LYG2: variants seen among roughly 807,000 people sequenced by gnomAD.
The protein encoded by LYG2 is lysozyme g2, also known as lysozyme g-like protein 2.
A neutral mutation model predicts 22.4 loss-of-function variants in LYG2; 25 were observed. That is an observed-to-expected ratio of 1.12 (90% CI 0.81 to 1.56). The LOEUF is 1.56. Among genes scored for constraint, LYG2 ranks in the 40% most tolerant of loss-of-function variants. The pLI is 0.00. For missense variants in LYG2, 266 were observed against 269.5 expected (o/e 0.99, Z 0.09); for synonymous variants, 88 against 97.0 (o/e 0.91, Z 0.55).
At position 99,250,609 on chromosome 2, in the gene LYG2, T is replaced by C. The variant is rs376375251; in HGVS notation, c.43+3609A>G. On this transcript the variant is annotated intron_variant, in intron 3 of 6. Transcript: ENST00000333017. Reference sequence around the variant, plus strand: ...CAGGATGGTCTCGATCTGCTGACCTTGTGATCCGCCCACCTTGGCCTCCCA... The same window carrying C: ...CAGGATGGTCTCGATCTGCTGACCTCGTGATCCGCCCACCTTGGCCTCCCA... Among the ~76,000 whole-genome samples the C allele has an allele frequency of 4.8e-3, 738 of 152,180 alleles. 7 individuals carry two copies. The highest frequency in any genetic ancestry group is 0.014 in the South Asian group (69 of 4,822).
chr2:99,248,397 C>T (rs1391756075), intron 3 of LYG2, among the ~76,000 whole-genome samples: 9 of 151,950 alleles, frequency 5.9e-5, no homozygotes, highest in Non-Finnish European at 1.3e-4. Flanking sequence ...GAATACTATG[C>T]AGCCATAAAA....
At chr2:99,244,191 T>C (rs745475892) in intron 5 of LYG2, 54 bp from the exon 6 acceptor site, 87 of 1,566,286 alleles carry the variant, frequency 5.6e-5, no homozygotes, top group Non-Finnish European at 7.1e-5. Flanking sequence ...ACATTTTTTC[T>C]GCCATTCCTA....
intron 4 of LYG2, among the ~76,000 whole-genome samples, chr2:99,245,814 C>T (rs948733655): frequency 6.6e-6 from 1 of 152,076 alleles, no homozygotes; most frequent in Non-Finnish European, 1.5e-5. Context: ...ACAGGTGTCG[C>T]TTCTGCTCTG....
upstream of LYG2, among the ~76,000 whole-genome samples, chr2:99,256,692 A>G (rs915889697): frequency 1.3e-5 from 2 of 152,330 alleles, no homozygotes; most frequent in Non-Finnish European, 2.9e-5. Context: ...TTGAATGTGA[A>G]GAATACTTAT....
intron 4 of LYG2, among the ~76,000 whole-genome samples, chr2:99,245,914 C>A (rs1402094527): frequency 6.6e-6 from 1 of 152,122 alleles, no homozygotes; most frequent in Non-Finnish European, 1.5e-5. Context: ...TCAAGACTAG[C>A]CTGGCCAACA....
upstream of LYG2, among the ~76,000 whole-genome samples, chr2:99,258,192 A>G (rs188403245): frequency 6.6e-6 from 1 of 152,350 alleles, no homozygotes; most frequent in Non-Finnish European, 1.5e-5. Flanking sequence ...AAGGAGGATG[A>G]CCATAGCCAA....
upstream of LYG2, among the ~76,000 whole-genome samples, chr2:99,259,035 C>A (rs887633445): frequency 2.6e-5 from 4 of 152,052 alleles, no homozygotes; most frequent in African/African-American, 9.7e-5. Flanking sequence ...AAGGCTAAAA[C>A]CAAAGACTAG....
chr2:99,242,627 G>T (rs112498361), intron 6 of LYG2, 145 bp from the exon 7 acceptor site: 1 of 520,466 alleles, frequency 1.9e-6, no homozygotes, highest in African/African-American at 1.9e-5. Flanking sequence ...CTTTCTGAAA[G>T]GACGTGCTAT....
intron 3 of LYG2, among the ~76,000 whole-genome samples, chr2:99,247,400 A>T (rs1438944179): frequency 6.6e-6 from 1 of 151,784 alleles, no homozygotes; most frequent in Non-Finnish European, 1.5e-5. Context: ...CTATGTCAGA[A>T]TTAAAACTGA....
At chr2:99,245,144 G>T in intron 5 of LYG2, 118 bp downstream of exon 5, 5 of 1,123,422 alleles carry the variant, frequency 4.5e-6, no homozygotes, top group Admixed American at 3.1e-5. Context: ...TGGAGTACCT[G>T]TAGCCAGATG....
Position 99,246,819 on chromosome 2 carries a change from G to T in LYG2, c.45C>A (p.Gly15=). Reference sequence around the variant, plus strand: ...TGAAGGGGTATGAGCCCCTGGAAGTGCCTAGGAGGCAGAAGTGTAACTCAC... The same window carrying T: ...TGAAGGGGTATGAGCCCCTGGAAGTTCCTAGGAGGCAGAAGTGTAACTCAC... The part of the protein sequence containing the change: ...VVFWGLIALI[G]TSRGSYPFSH... Residue 15 remains glycine, a splice_region_variant and synonymous_variant, in exon 4 of 7, where the codon GGC becomes GGA. Transcript: ENST00000333017. 1 of 1,609,664 alleles carries T rather than the reference G, an allele frequency of 6.2e-7. No individual in the cohort carries two copies. The highest frequency in any genetic ancestry group is 1.1e-5 in the South Asian group (1 of 89,934).
At chr2:99,248,728 TATA>T (rs994179227) in intron 3 of LYG2, among the ~76,000 whole-genome samples, 1 of 149,774 alleles carries the variant, frequency 6.7e-6, no homozygotes, top group Non-Finnish European at 1.5e-5. Flanking sequence ...AAACTTAAAG[TATA>T]ATAATAATAA....
At chr2:99,246,581 A>G (rs934348003) in intron 4 of LYG2, 99 bp downstream of exon 4, 79 of 1,368,018 alleles carry the variant, frequency 5.8e-5, no homozygotes, top group Non-Finnish European at 6.9e-5. Context: ...CTATTGTCAT[A>G]ATGATGATTA....
In LYG2 at chr2:99,244,112, A is replaced by T. The variant is rs766171177; in HGVS notation, c.407T>A (p.Val136Asp). The T allele has an allele frequency of 6.2e-7, 1 of 1,613,804 alleles. No individual in the cohort carries two copies. The highest frequency in any genetic ancestry group is 8.5e-7 in the Non-Finnish European group (1 of 1,179,918). ...MQLDKQTYHP[V>D]GAWDSKEHLS... ...GTGCTCTTTGCTATCCCAGGCACCG[A>T]CAGGGTGGTACGTTTGTTTATCAAG... Residue 136 changes from valine (V) to aspartate (D), a missense_variant, in exon 6 of 7, where the codon GTC (valine) becomes GAC (aspartate). Physicochemically the swap from Val to Asp is radical, Grantham distance 152. Transcript: ENST00000333017.
upstream of LYG2, among the ~76,000 whole-genome samples, chr2:99,259,959 CTTT>C (rs56186823): frequency 2.9e-3 from 331 of 114,884 alleles, no homozygotes; most frequent in Admixed American, 3.5e-3. Context: ...CAAAAGTAAA[CTTT>C]TTTTTTTTTT....
Position 99,246,670 on chromosome 2 carries a change from TTTCAC to T in LYG2, c.184+5_184+9del. ...GGGGAAGCCAGTCATTTGCTCTGCTTTTCACTTACCGCAGTTCATCACACTGTTTG... is the reference window on the plus strand; with the variant it reads ...GGGGAAGCCAGTCATTTGCTCTGCTTTTACCGCAGTTCATCACACTGTTTG... On this transcript the variant is annotated splice_donor_5th_base_variant and intron_variant, in intron 4 of 6. Transcript: ENST00000333017. The T allele has an allele frequency of 6.2e-7, 1 of 1,607,250 alleles. No homozygotes were observed. Among genetic ancestry groups the T allele is most frequent in the Non-Finnish European group, 8.5e-7 (1 of 1,178,396 alleles).
chr2:99,242,425 T>C lies in LYG2; in HGVS notation c.578A>G (p.Asp193Gly). The C allele has an allele frequency of 1.2e-6, 2 of 1,613,824 alleles. No individual in the cohort carries two copies. Among genetic ancestry groups the C allele is most frequent in the Non-Finnish European group, 1.7e-6 (2 of 1,179,814 alleles). The stretch of plus-strand genomic sequence containing the variant: ...AATGATATCATTGACGAAGTCATTG[T>C]CTATGTCCGATGGGGTGGCAATCGC... The part of the protein sequence containing the change: ...IEAIATPSDI[D>G]NDFVNDIIAR... Residue 193 changes from aspartate to glycine, a missense_variant, in exon 7 of 7, where the codon GAC becomes GGC. Transcript: ENST00000333017.
At chr2:99,245,789 G>T (rs2094015097) in intron 4 of LYG2, among the ~76,000 whole-genome samples, 1 of 152,080 alleles carries the variant, frequency 6.6e-6, no homozygotes, top group Non-Finnish European at 1.5e-5. Context: ...GAAACAAACA[G>T]ATCCACAACC....
chr2:99,245,286 C>A lies in LYG2; in HGVS notation c.357G>T (p.Arg119Ser). ...GSVLQDGWDH[R>S]GLKFGLMQLD... ...CCTGCATCAAGCCAAATTTAAGTCC[C>A]CTGTGGTCCCAGCCGTCTTGCAGGA... The change falls in exon 5 of 7, where the codon AGG becomes AGT. Residue 119 changes from arginine (R) to serine (S), a missense_variant. Transcript: ENST00000333017. The A allele has an allele frequency of 2.5e-6, 4 of 1,607,644 alleles. No individual in the cohort carries two copies. The highest frequency in any genetic ancestry group is 3.4e-6 in the Non-Finnish European group (4 of 1,176,704).
Sources: gnomAD v4.1 joint callset for allele counts (sites outside exome capture counted in the v4.1 genomes callset) on GRCh38, gnomAD v4.1.1 for gene constraint, MANE v1.5 for transcripts, NCBI Gene and HGNC (gene_info 2026-07-23, HGNC 2026-07-21) for gene names.